GSDMA: variants seen among roughly 807,000 people sequenced by gnomAD.
The protein encoded by GSDMA is gasdermin-A.
GSDMA carries 55 observed loss-of-function variants against 54.3 expected under a neutral mutation model. That is an observed-to-expected ratio of 1.01 (90% CI 0.82 to 1.27). GSDMA has a LOEUF of 1.27. Among genes scored for constraint, GSDMA ranks in the 50% most tolerant of loss-of-function variants. The probability of loss-of-function intolerance (pLI) is 0.00; values close to 1 mark genes in which losing one functional copy is unlikely to be tolerated. For missense variants in GSDMA, 542 were observed against 542.6 expected (o/e 1.00, Z 0.01); for synonymous variants, 211 against 224.7 (o/e 0.94, Z 0.54).
chr17:39,970,265 A>G (rs906416869), intron 3 of GSDMA, among the ~76,000 whole-genome samples: 1 of 152,208 alleles, frequency 6.6e-6, no homozygotes, highest in Non-Finnish European at 1.5e-5. Flanking sequence ...GGTCAGCATC[A>G]TTATACTCAT....
At chr17:39,969,209 G>A (rs1465131975) in intron 3 of GSDMA, among the ~76,000 whole-genome samples, 2 of 152,054 alleles carry the variant, frequency 1.3e-5, no homozygotes, top group Admixed American at 6.6e-5. Context: ...AATATTAGCC[G>A]GGCATGGTGG....
chr17:39,974,765 T>C, intron 9 of GSDMA, 135 bp from the exon 10 acceptor site: 1 of 669,056 alleles, frequency 1.5e-6, no homozygotes, highest in East Asian at 2.7e-5. Context: ...TCCAGTACTC[T>C]TCAGGACATG....
chr17:39,965,561 C>G (rs1464101785), intron 1 of GSDMA, 122 bp from the exon 2 acceptor site: 1 of 685,992 alleles, frequency 1.5e-6, no homozygotes, highest in Non-Finnish European at 2.5e-6. Flanking sequence ...CCAGGCATCT[C>G]TAAGAGCTCC....
intron 1 of GSDMA, among the ~76,000 whole-genome samples, chr17:39,963,483 C>A (rs530863131): frequency 1.2e-3 from 181 of 152,298 alleles, no homozygotes; most frequent in African/African-American, 4.2e-3. Flanking sequence ...CTTCCACCCA[C>A]GGGGATAACT....
chr17:39,966,060 G>C (rs941386424), intron 2 of GSDMA, among the ~76,000 whole-genome samples, 159 bp downstream of exon 2: 1 of 152,124 alleles, frequency 6.6e-6, no homozygotes, highest in African/African-American at 2.4e-5. Flanking sequence ...GTGGTCGGGG[G>C]GATACCTCTC....
intron 1 of GSDMA, among the ~76,000 whole-genome samples, chr17:39,963,385 C>T (rs55739615): frequency 0.55 from 83,625 of 150,788 alleles, 23,310 homozygotes; most frequent in East Asian, 0.57. Flanking sequence ...AACAGCCCCA[C>T]GCATCTGTGC....
chr17:39,977,299 T>A lies in GSDMA; in HGVS notation c.*241T>A. On this transcript the variant is annotated 3_prime_UTR_variant, in exon 12 of 12. Transcript: ENST00000301659. ...TTTCTTTACTTTTCTTTTCTTTTTT[T>A]TTTTTTTTTTGAGATGGAGGCTCAC... is the stretch of plus-strand genomic sequence containing the variant. The A allele has an allele frequency of 2.4e-6, 1 of 417,456 alleles. No homozygotes were observed. Among genetic ancestry groups the A allele is most frequent in the East Asian group, 4.2e-5 (1 of 23,944 alleles). The allele number at this position is 417,456 out of a possible 1,614,324, so 25.9% of individuals were successfully genotyped here. A position where few individuals can be genotyped will look rare whatever the true frequency, so the allele number is the denominator to read the frequency against.
intron 8 of GSDMA, 126 bp downstream of exon 8, chr17:39,973,956 C>T: frequency 1.1e-6 from 1 of 942,598 alleles, no homozygotes; most frequent in Non-Finnish European, 1.7e-6. Flanking sequence ...CTTTCTTTCT[C>T]CACTTTTTGC....
intron 11 of GSDMA, 151 bp from the exon 12 acceptor site, chr17:39,976,665 T>C: frequency 1.1e-6 from 1 of 911,116 alleles, no homozygotes; most frequent in South Asian, 1.6e-5. Context: ...GCCCACTGTA[T>C]AGGGCTGTTC....
At chr17:39,965,411 C>T (rs1979602455) in intron 1 of GSDMA, 3 of 458,304 alleles carry the variant, frequency 6.5e-6, no homozygotes, top group Admixed American at 3.4e-5. Flanking sequence ...GAGAAAAATG[C>T]CCTTGACAAA....
intron 1 of GSDMA, 85 bp from the exon 2 acceptor site, chr17:39,965,598 C>T (rs1008829141): frequency 2.1e-6 from 2 of 966,350 alleles, no homozygotes; most frequent in Non-Finnish European, 3.2e-6. Flanking sequence ...GGTAAACTCT[C>T]TCTGCAGGGG....
At chr17:39,965,125 A>G (rs921456142) in intron 1 of GSDMA, among the ~76,000 whole-genome samples, 1 of 151,600 alleles carries the variant, frequency 6.6e-6, no homozygotes, top group Non-Finnish European at 1.5e-5. Flanking sequence ...GTCTCGGAAG[A>G]AAAGAGAAGA....
Position 39,977,103 on chromosome 17 carries a change from C to T in GSDMA, c.*45C>T, listed in dbSNP as rs747836138. The T allele has an allele frequency of 6.2e-6, 10 of 1,604,766 alleles. No individual in the cohort carries two copies. Among genetic ancestry groups the T allele is most frequent in the Non-Finnish European group, 8.5e-6 (10 of 1,174,070 alleles). The stretch of plus-strand genomic sequence containing the variant: ...TCATGACTCCCTAATGCCTTCCCAA[C>T]CTCGTGGTGCTGTGTCCTTACCACC... On this transcript the variant is annotated 3_prime_UTR_variant, in exon 12 of 12. Coordinates refer to ENST00000301659, the MANE Select transcript of GSDMA (RefSeq NM_178171.5).
chr17:39,972,814 C>T (rs1336806721), intron 7 of GSDMA, among the ~76,000 whole-genome samples: 5 of 134,482 alleles, frequency 3.7e-5, no homozygotes, highest in South Asian at 2.4e-4. Flanking sequence ...GGTGGTCTGA[C>T]GCCTGAGACC....
chr17:39,970,795 C>A (rs1979905213), intron 4 of GSDMA, 148 bp downstream of exon 4: 1 of 532,872 alleles, frequency 1.9e-6, no homozygotes. Flanking sequence ...CCACTCCTTC[C>A]CCCGGCTCTT....
At position 39,969,318 on chromosome 17, in the gene GSDMA, T is replaced by C. The variant is rs373603424; in HGVS notation, c.393-1164T>C. ...TGAGTTATGATCGAGCCACTGCACT[T>C]CAGCCTGGGCAACAGAGTGGGACCT... On this transcript the variant is annotated intron_variant, in intron 3 of 11. Transcript: ENST00000301659. 1.4e-3 allele frequency among the ~76,000 whole-genome samples: 210 copies of C among 148,626 alleles called. 8 individuals are homozygous for C. The South Asian group carries it at 0.043, about 31-fold the overall frequency.
Position 39,972,156 on chromosome 17 carries a change from T to G in GSDMA, c.683T>G (p.Met228Arg). The G allele has an allele frequency of 7.6e-7, 1 of 1,314,356 alleles. No homozygotes were observed. Among genetic ancestry groups the G allele is most frequent in the Non-Finnish European group, 1.0e-6 (1 of 990,564 alleles). 81.4% of individuals were successfully genotyped at this position (1,314,356 alleles called of 1,614,324 possible). The change falls in exon 6 of 12, where the codon ATG (methionine) becomes AGG (arginine). Residue 228 changes from methionine (M) to arginine (R), a missense_variant. Transcript: ENST00000301659. ...WDIPHICNDNMQTFPPGEKSG... is the reference protein window; with the variant it reads ...WDIPHICNDNRQTFPPGEKSG... The stretch of plus-strand genomic sequence containing the variant: ...ATTCCACATATCTGCAATGATAACA[T>G]GCAAACCTTCCCTCCTGGAGGTAAG...
intron 3 of GSDMA, 91 bp downstream of exon 3, chr17:39,966,528 C>A (rs972681748): frequency 8.5e-7 from 1 of 1,175,710 alleles, no homozygotes; most frequent in Non-Finnish European, 1.2e-6. Context: ...AAGGTAGGAC[C>A]CTTGCACTGA....
At chr17:39,976,051 G>A in intron 11 of GSDMA, 54 bp downstream of exon 11, 1 of 1,368,254 alleles carries the variant, frequency 7.3e-7, no homozygotes, top group South Asian at 1.3e-5. Context: ...TGCAGCCAGT[G>A]GAGATGCAGA....
Sources: allele counts gnomAD v4.1 joint callset (sites outside exome capture counted in the v4.1 genomes callset), GRCh38; gene constraint gnomAD v4.1.1; transcripts MANE v1.5; gene names NCBI Gene and HGNC (gene_info 2026-07-23, HGNC 2026-07-21).